The following NALCN variants were observed in gnomAD, a reference collection of about 807,000 sequenced individuals.
The protein encoded by NALCN is sodium leak channel NALCN.
Under a neutral mutation model 225.3 loss-of-function variants are expected in NALCN, and 111 were observed. That is an observed-to-expected ratio of 0.49 (90% CI 0.42 to 0.58). NALCN has a LOEUF of 0.58. Among genes scored for constraint, NALCN ranks in the 20% least tolerant of loss-of-function variants. The pLI, the probability that NALCN is intolerant of heterozygous loss-of-function variation, is 0.00. For synonymous variants in NALCN, 764 were observed against 769.0 expected (o/e 0.99, Z 0.11); for missense variants, 1,378 against 2,202.4 (o/e 0.63, Z 7.49).
intron 14 of NALCN, among the ~76,000 whole-genome samples, chr13:101,183,755 G>C (rs1471526418): frequency 6.6e-6 from 1 of 151,888 alleles, no homozygotes; most frequent in East Asian, 1.9e-4. Context: ...CACCACGCCT[G>C]GCCCGATATT....
intron 22 of NALCN, among the ~76,000 whole-genome samples, chr13:101,106,822 A>G (rs2139627923): frequency 6.6e-6 from 1 of 152,286 alleles, no homozygotes; most frequent in East Asian, 1.9e-4. Flanking sequence ...TTTATAAATT[A>G]CCCAGTCTCA....
Position 101,075,861 on chromosome 13 carries a change from C to T in NALCN, c.3954+12G>A. 6.3e-7 allele frequency: 1 copy of T among 1,599,644 alleles called. No individual in the cohort carries two copies. Among genetic ancestry groups the T allele is most frequent in the East Asian group, 2.3e-5 (1 of 44,162 alleles). ...ATGACCTTTAAGATAAGATTCTTAA[C>T]AATGTACTTACATGTTTTCCACAGA... On this transcript the variant is annotated intron_variant, in intron 35 of 43. Transcript: ENST00000251127.
At chr13:101,131,896 T>C (rs932644232) in intron 17 of NALCN, among the ~76,000 whole-genome samples, 1 of 152,296 alleles carries the variant, frequency 6.6e-6, no homozygotes, top group Admixed American at 6.5e-5. Flanking sequence ...TCCTTAATTT[T>C]TTCTTGTTGA....
At chr13:101,238,840 T>C (rs2041657794) in intron 11 of NALCN, among the ~76,000 whole-genome samples, 1 of 151,898 alleles carries the variant, frequency 6.6e-6, no homozygotes, top group African/African-American at 2.4e-5. Context: ...TTTCTTCCAC[T>C]CATATATGGA....
intron 13 of NALCN, among the ~76,000 whole-genome samples, chr13:101,198,546 A>G (rs1270505870): frequency 6.6e-6 from 1 of 152,246 alleles, no homozygotes. Context: ...AAAAATGCTC[A>G]TCATCACTGG....
intron 14 of NALCN, among the ~76,000 whole-genome samples, chr13:101,183,268 T>G (rs578170410): frequency 1.1e-4 from 17 of 152,362 alleles, no homozygotes; most frequent in Non-Finnish European, 2.4e-4. Context: ...AAATGTGATT[T>G]ACAGGTTCAT....
At chr13:101,173,537 T>G (rs2762148) in intron 15 of NALCN, among the ~76,000 whole-genome samples, 17,417 of 152,002 alleles carry the variant, frequency 0.11, 2,289 homozygotes, top group African/African-American at 0.32. Context: ...ATGGGTCGTT[T>G]TGAAAAATAA....
chr13:101,102,365 A>T (rs2034869734), intron 26 of NALCN, among the ~76,000 whole-genome samples: 2 of 152,170 alleles, frequency 1.3e-5, no homozygotes, highest in Non-Finnish European at 2.9e-5. Context: ...ATTTGTGTCA[A>T]CTACAACTAC....
chr13:101,403,570 A>G (rs2047536254), intron 1 of NALCN, among the ~76,000 whole-genome samples: 1 of 152,260 alleles, frequency 6.6e-6, no homozygotes, highest in African/African-American at 2.4e-5. Flanking sequence ...GTGAGAAGAT[A>G]AACATACAAC....
chr13:101,347,175 T>C (rs2045768495), intron 6 of NALCN, among the ~76,000 whole-genome samples: 1 of 144,176 alleles, frequency 6.9e-6, no homozygotes, highest in East Asian at 2.0e-4. Flanking sequence ...ACCCCATGGC[T>C]GGTGATACTT....
intron 7 of NALCN, among the ~76,000 whole-genome samples, chr13:101,310,404 T>C (rs2044299892): frequency 1.3e-5 from 2 of 152,086 alleles, no homozygotes; most frequent in East Asian, 1.9e-4. Flanking sequence ...CATGCTTCCT[T>C]CTCAAGGCCT....
intron 17 of NALCN, among the ~76,000 whole-genome samples, chr13:101,130,921 C>T (rs114118107): frequency 3.9e-5 from 6 of 152,192 alleles, no homozygotes; most frequent in African/African-American, 1.4e-4. Context: ...TATTCTCTTG[C>T]TGTGGTTTTT....
chr13:101,165,675 C>T (rs777888295), intron 15 of NALCN, among the ~76,000 whole-genome samples: 6 of 152,194 alleles, frequency 3.9e-5, no homozygotes, highest in Non-Finnish European at 8.8e-5. Flanking sequence ...AGGGTGTTGC[C>T]ACGTTGCGCA....
At chr13:101,341,357 A>G (rs1314824818) in intron 7 of NALCN, among the ~76,000 whole-genome samples, 2 of 152,196 alleles carry the variant, frequency 1.3e-5, no homozygotes, top group Non-Finnish European at 2.9e-5. Context: ...ATTACATTCT[A>G]GAGTTCCATA....
intron 41 of NALCN, among the ~76,000 whole-genome samples, chr13:101,061,627 T>TC (rs1374942786): frequency 6.6e-6 from 1 of 152,004 alleles, no homozygotes; most frequent in Non-Finnish European, 1.5e-5. Context: ...TGAGTTGAGC[T>TC]CCCCCCTTGA....
intron 6 of NALCN, among the ~76,000 whole-genome samples, chr13:101,363,510 C>T (rs974023572): frequency 6.6e-6 from 1 of 152,028 alleles, no homozygotes; most frequent in African/African-American, 2.4e-5. Context: ...ACAAATGGTG[C>T]TGGGAAAAAT....
At chr13:101,397,066 T>TTTTATATATA (rs1491530959) in intron 2 of NALCN, among the ~76,000 whole-genome samples, 5 of 56,388 alleles carry the variant, frequency 8.9e-5, no homozygotes, top group African/African-American at 1.3e-4. Context: ...TATGAATGTA[T>TTTTATATATA]TATATATATA....
chr13:101,284,867 C>A (rs1353609281), intron 9 of NALCN, among the ~76,000 whole-genome samples: 1 of 152,130 alleles, frequency 6.6e-6, no homozygotes, highest in Non-Finnish European at 1.5e-5. Context: ...GAAGACATTT[C>A]CCACTTTCAC....
intron 10 of NALCN, among the ~76,000 whole-genome samples, chr13:101,272,313 T>TG (rs1320182644): frequency 1.3e-5 from 2 of 152,118 alleles, no homozygotes; most frequent in African/African-American, 2.4e-5. Context: ...CGTGAGCATT[T>TG]GGGGGAAGTA....
Sources: gnomAD v4.1 joint callset for allele counts (sites outside exome capture counted in the v4.1 genomes callset) on GRCh38, gnomAD v4.1.1 for gene constraint, MANE v1.5 for transcripts, NCBI Gene and HGNC (gene_info 2026-07-23, HGNC 2026-07-21) for gene names.